Variants in RAF1 observed in about 807,000 individuals in gnomAD.
The protein encoded by RAF1 is RAF proto-oncogene serine/threonine-protein kinase.
A neutral mutation model predicts 81.1 loss-of-function variants in RAF1; 27 were observed. The observed-to-expected ratio is 0.33, with a 90% CI of 0.25 to 0.46. The LOEUF (loss-of-function observed/expected upper bound fraction) is 0.46. RAF1 is among the 20% of genes least tolerant of loss of function. The pLI is 1.00. For missense variants in RAF1, 598 were observed against 826.0 expected, an observed-to-expected ratio of 0.72 and a Z score of 3.38; for synonymous variants, 298 against 294.0, an observed-to-expected ratio of 1.01 and a Z score of -0.14.
At chr3:12,640,285 T>C (rs1045850152) in intron 1 of RAF1, among the ~76,000 whole-genome samples, 9 of 152,198 alleles carry the variant, frequency 5.9e-5, no homozygotes, top group Non-Finnish European at 1.0e-4. Flanking sequence ...ACCTAGGCAA[T>C]ACCATTCAGG....
chr3:12,621,589 T>C (rs1273091749), intron 1 of RAF1, among the ~76,000 whole-genome samples: 2 of 152,224 alleles, frequency 1.3e-5, no homozygotes, highest in Non-Finnish European at 2.9e-5. Flanking sequence ...AAGTTTGAAA[T>C]GTTCTTAAAG....
chr3:12,617,843 C>T lies in RAF1; in HGVS notation c.207+672G>A, dbSNP rs1246438313. Among the ~76,000 whole-genome samples, 8 of 139,376 alleles carry T rather than the reference C, an allele frequency of 5.7e-5. No individual in the cohort carries two copies. The East Asian group carries it at 1.8e-3, about 31-fold the overall frequency. 91.4% of individuals were successfully genotyped at this position (139,376 alleles called of 152,430 possible). Reference sequence around the variant, plus strand: ...AGGAGGCAGAGGTTGCAGTGAGCTGCACTCCAGCCTGGGTGACAGAGTGAG... The same window carrying T: ...AGGAGGCAGAGGTTGCAGTGAGCTGTACTCCAGCCTGGGTGACAGAGTGAG... On this transcript the variant is annotated intron_variant, in intron 2 of 17. Transcript: ENST00000442415.
rs758684190 is a variant in RAF1, at chr3:12,585,704, G to A, written c.1573C>T (p.Pro525Ser). Residue 525 changes from proline to serine, a missense_variant, in exon 15 of 18, where the codon CCT (proline) becomes TCT (serine). By Grantham distance (74) the Pro-to-Ser change is moderately conservative. Transcript: ENST00000442415. The stretch of plus-strand genomic sequence containing the variant: ...ACCATCCAGAGGACAGAGCCAGTAG[G>A]TTGTTCAACCTGCTGAGAACCACTC... 6 of 1,614,006 alleles carry A rather than the reference G, an allele frequency of 3.7e-6. No homozygotes were observed. The highest frequency in any genetic ancestry group is 5.1e-6 in the Non-Finnish European group (6 of 1,179,846).
At chr3:12,598,534 A>G (rs939348256) in intron 11 of RAF1, among the ~76,000 whole-genome samples, 1 of 151,806 alleles carries the variant, frequency 6.6e-6, no homozygotes, top group African/African-American at 2.4e-5. Context: ...GGAGTTGGAG[A>G]CCAGCCTGGG....
intron 2 of RAF1, 66 bp from the exon 3 acceptor site, chr3:12,612,128 G>A: frequency 2.4e-6 from 3 of 1,230,864 alleles, no homozygotes; most frequent in Non-Finnish European, 3.6e-6. Flanking sequence ...GGTGGGCACA[G>A]AAATAAATGC....
intron 1 of RAF1, among the ~76,000 whole-genome samples, chr3:12,648,550 C>A (rs1559484690): frequency 6.6e-6 from 1 of 152,156 alleles, no homozygotes; most frequent in Non-Finnish European, 1.5e-5. Flanking sequence ...AAGAGGTATT[C>A]CCCCAAGTTT....
intron 5 of RAF1, among the ~76,000 whole-genome samples, chr3:12,608,226 A>G (rs956074833): frequency 4.9e-4 from 75 of 152,316 alleles, no homozygotes; most frequent in African/African-American, 1.7e-3. Flanking sequence ...AAATTCTTTA[A>G]TAACATTTTA....
At chr3:12,597,975 G>A (rs1185355402) in intron 11 of RAF1, among the ~76,000 whole-genome samples, 3 of 146,646 alleles carry the variant, frequency 2.0e-5, no homozygotes, top group Admixed American at 7.1e-5. Context: ...CCAGGAGACA[G>A]CCCAGTAGTA....
chr3:12,622,884 C>G (rs947664358), intron 1 of RAF1, among the ~76,000 whole-genome samples: 3 of 152,050 alleles, frequency 2.0e-5, no homozygotes, highest in Admixed American at 2.0e-4. Flanking sequence ...CTTTGTCAGC[C>G]GGGCGCAGTT....
chr3:12,640,427 A>G (rs2125529177), intron 1 of RAF1, among the ~76,000 whole-genome samples: 1 of 150,934 alleles, frequency 6.6e-6, no homozygotes, highest in East Asian at 1.9e-4. Context: ...CACAGTGAAC[A>G]CGCAACCTAC....
chr3:12,662,705 C>T (rs1425083247), intron 1 of RAF1, among the ~76,000 whole-genome samples: 1 of 152,092 alleles, frequency 6.6e-6, no homozygotes, highest in Non-Finnish European at 1.5e-5. Flanking sequence ...CTCCTCCTCA[C>T]CCGATGAGCA....
chr3:12,646,370 G>C (rs528440551), intron 1 of RAF1, among the ~76,000 whole-genome samples: 1 of 142,176 alleles, frequency 7.0e-6, no homozygotes, highest in South Asian at 2.1e-4. Context: ...CGATATTACC[G>C]GTTTCTTTTA....
intron 13 of RAF1, 76 bp downstream of exon 12, chr3:12,590,721 CT>C: frequency 6.8e-7 from 1 of 1,480,982 alleles, no homozygotes. Context: ...GACTAGAAGG[CT>C]TTTCCTGATC....
At chr3:12,628,778 G>A (rs1353444556) in intron 1 of RAF1, among the ~76,000 whole-genome samples, 4 of 148,796 alleles carry the variant, frequency 2.7e-5, no homozygotes, top group East Asian at 4.0e-4. Flanking sequence ...GGGGCACATG[G>A]TCTCACTCTG....
intron 5 of RAF1, chr3:12,608,497 G>C: frequency 2.0e-6 from 1 of 492,946 alleles, no homozygotes; most frequent in African/African-American, 1.9e-5. Flanking sequence ...ATATCCTTTT[G>C]CTCCTTTCCT....
chr3:12,628,002 C>T (rs2059754904), intron 1 of RAF1, among the ~76,000 whole-genome samples: 1 of 152,188 alleles, frequency 6.6e-6, no homozygotes, highest in African/African-American at 2.4e-5. Flanking sequence ...TGCCTGTAAT[C>T]CCAGCTACTC....
chr3:12,593,386 C>G (rs1394606539), intron 11 of RAF1, among the ~76,000 whole-genome samples: 1 of 151,622 alleles, frequency 6.6e-6, no homozygotes. Context: ...CAGCCCTCCC[C>G]ATTTCATTTT....
chr3:12,585,527 C>G, intron 15 of RAF1, 154 bp downstream of exon 14: 1 of 867,726 alleles, frequency 1.2e-6, no homozygotes, highest in Non-Finnish European at 1.4e-6. Context: ...ACAGCTTCCT[C>G]AAGAAAATCT....
intron 1 of RAF1, among the ~76,000 whole-genome samples, chr3:12,661,045 T>C (rs138345509): frequency 1.3e-5 from 2 of 152,328 alleles, no homozygotes; most frequent in African/African-American, 2.4e-5. Flanking sequence ...AATGTTTATG[T>C]TGCATTTTAA....
Sources: gnomAD v4.1 joint callset for allele counts (sites outside exome capture counted in the v4.1 genomes callset) on GRCh38, gnomAD v4.1.1 for gene constraint, MANE v1.5 for transcripts, NCBI Gene and HGNC (gene_info 2026-07-23, HGNC 2026-07-21) for gene names.